The following CACNA2D4 variants were observed in gnomAD, a reference collection of about 807,000 sequenced individuals.
The protein encoded by CACNA2D4 is calcium voltage-gated channel auxiliary subunit alpha2delta 4.
In CACNA2D4, 157 loss-of-function variants were observed where a neutral mutation model predicts 163.8. That is an observed-to-expected ratio of 0.96 (90% CI 0.84 to 1.09). The LOEUF (loss-of-function observed/expected upper bound fraction) is 1.09. CACNA2D4 is among the 50% of genes least tolerant of loss of function. The pLI, the probability that CACNA2D4 is intolerant of heterozygous loss-of-function variation, is 0.00. For synonymous variants in CACNA2D4, 598 were observed against 586.9 expected, an observed-to-expected ratio of 1.02 and a Z score of -0.27; for missense variants, 1,410 against 1,479.9, an observed-to-expected ratio of 0.95 and a Z score of 0.78.
At chr12:1,797,388 G>T (rs1451794181) in intron 35 of CACNA2D4, 30 bp downstream of exon 35, 1 of 1,449,028 alleles carries the variant, frequency 6.9e-7, no homozygotes, top group East Asian at 2.5e-5. Context: ...GGAGTGTGGC[G>T]GGACGGGCGG....
In CACNA2D4 at chr12:1,802,773, T is replaced by G. The variant is rs1863383702; in HGVS notation, c.2722-1129A>C. 6.6e-6 allele frequency among the ~76,000 whole-genome samples: 1 copy of G among 152,212 alleles called. No individual in the cohort carries two copies. The highest frequency in any genetic ancestry group is 2.4e-5 in the African/African-American group (1 of 41,456). On this transcript the variant is annotated intron_variant, in intron 29 of 37. Coordinates refer to ENST00000382722, the MANE Select transcript of CACNA2D4 (RefSeq NM_172364.5). The surrounding 1 kb of genome is among the most constrained non-coding windows in gnomAD (Gnocchi z 4.7). ...TTCCTCTGTCCTCATGCCAAGGAAC[T>G]TCTTTCCTCACCCTCGCTGGGAAGT... is the stretch of plus-strand genomic sequence containing the variant.
chr12:1,840,048 T>A (rs1461519767), intron 26 of CACNA2D4, among the ~76,000 whole-genome samples: 1 of 152,210 alleles, frequency 6.6e-6, no homozygotes, highest in Non-Finnish European at 1.5e-5. Context: ...CAAGCTTTAA[T>A]GTTTAGGCAA....
intron 18 of CACNA2D4, among the ~76,000 whole-genome samples, chr12:1,861,313 C>T (rs1865520330): frequency 1.3e-5 from 2 of 152,220 alleles, no homozygotes; most frequent in African/African-American, 4.8e-5. Flanking sequence ...CAGTCAGACC[C>T]TCTCTGTAGC....
chr12:1,907,997 T>C lies in CACNA2D4; in HGVS notation c.527A>G (p.Glu176Gly). The change falls in exon 5 of 38, where the codon GAG becomes GGG. Residue 176 changes from glutamate to glycine, a missense_variant. Transcript: ENST00000382722. ...GCCCAGCTCCACGAAGTTGCCCTTC[T>C]CGTCCCTCTCGTTGATCAGGACCGA... ...YNSVLINERDEKGNFVELGAE... is the reference protein window; with the variant it reads ...YNSVLINERDGKGNFVELGAE... The C allele has an allele frequency of 6.2e-7, 1 of 1,614,044 alleles. No individual in the cohort carries two copies. Among genetic ancestry groups the C allele is most frequent in the South Asian group, 1.1e-5 (1 of 91,082 alleles).
At chr12:1,797,730 G>A in intron 34 of CACNA2D4, 195 bp from the exon 35 acceptor site, 1 of 618,248 alleles carries the variant, frequency 1.6e-6, no homozygotes, top group South Asian at 1.8e-5. Flanking sequence ...TCTGGAGAGG[G>A]TGGCTTGGCA....
chr12:1,814,958 C>T (rs561362446), intron 26 of CACNA2D4, among the ~76,000 whole-genome samples: 1 of 152,342 alleles, frequency 6.6e-6, no homozygotes, highest in Non-Finnish European at 1.5e-5. Flanking sequence ...GGCACAATCT[C>T]AGCTCATTGC....
chr12:1,870,676 T>C (rs1292173701), intron 18 of CACNA2D4, among the ~76,000 whole-genome samples: 1 of 152,048 alleles, frequency 6.6e-6, no homozygotes, highest in Non-Finnish European at 1.5e-5. Flanking sequence ...AGGGTGAGTC[T>C]AGTCAAGCTA....
Position 1,874,670 on chromosome 12 carries a change from T to G in CACNA2D4, c.1812A>C (p.Arg604Ser). The change falls in exon 18 of 38, where the codon AGA (arginine) becomes AGC (serine). Residue 604 changes from arginine to serine, a missense_variant. Transcript: ENST00000382722. This position sits in a 1 kb window ranked among gnomAD's most constrained non-coding sequence, Gnocchi z 4.4. ...VEWEDQAESL[R>S]TAMINRETGT... ...CTGTTTCCCTATTGATCATGGCTGT[T>G]CTCAGCTTCAGGAGGAAAGACAATG... The G allele has an allele frequency of 6.2e-7, 1 of 1,611,740 alleles. No homozygotes were observed. Among genetic ancestry groups the G allele is most frequent in the South Asian group, 1.1e-5 (1 of 91,012 alleles).
In CACNA2D4 at chr12:1,917,188, G is replaced by A. The variant is rs569560273; in HGVS notation, c.227+1059C>T. On this transcript the variant is annotated intron_variant, in intron 1 of 37. Coordinates refer to ENST00000382722, the MANE Select transcript of CACNA2D4 (RefSeq NM_172364.5). The surrounding 1 kb of genome is among the most constrained non-coding windows in gnomAD (Gnocchi z 4.3). The stretch of plus-strand genomic sequence containing the variant: ...ACTTGGGGAAGTCACCTGACCTCTC[G>A]GGGCCTCTGTTTCCTCAGCTGCAAA... Among the ~76,000 whole-genome samples the A allele has an allele frequency of 1.3e-5, 2 of 152,256 alleles. No individual in the cohort carries two copies. Among genetic ancestry groups the A allele is most frequent in the African/African-American group, 4.8e-5 (2 of 41,546 alleles).
chr12:1,816,399 T>A (rs1161545935), intron 26 of CACNA2D4, among the ~76,000 whole-genome samples: 1 of 152,216 alleles, frequency 6.6e-6, no homozygotes, highest in Non-Finnish European at 1.5e-5. Flanking sequence ...CAGGAGGGCC[T>A]GTCATGACCT....
intron 26 of CACNA2D4, among the ~76,000 whole-genome samples, chr12:1,826,584 C>G (rs1592682424): frequency 6.6e-6 from 1 of 152,238 alleles, no homozygotes; most frequent in African/African-American, 2.4e-5. Context: ...TGTGCCCAGT[C>G]TTGTGACCCC....
rs1303805164 is a variant in CACNA2D4 at position 1,828,718 on chromosome 12, G to A, written c.2551+12021C>T. Among the ~76,000 whole-genome samples, 1 of 152,228 alleles carries A rather than the reference G, an allele frequency of 6.6e-6. No homozygotes were observed. The highest frequency in any genetic ancestry group is 1.9e-4 in the East Asian group (1 of 5,188). ...CTCCGCTTTCCCAACTCTCGGTAGA[G>A]GACCTAGTGGGCTCGTGGGATGCGG... is the stretch of plus-strand genomic sequence containing the variant. On this transcript the variant is annotated intron_variant, in intron 26 of 37. Coordinates refer to ENST00000382722, the MANE Select transcript of CACNA2D4 (RefSeq NM_172364.5). This position sits in a 1 kb window ranked among gnomAD's most constrained non-coding sequence, Gnocchi z 4.2.
At chr12:1,800,713 C>G (rs576665286) in intron 31 of CACNA2D4, 1 of 594,316 alleles carries the variant, frequency 1.7e-6, no homozygotes, top group South Asian at 2.0e-5. Flanking sequence ...AAGCCCTCAT[C>G]CTGGTGCTGC....
At chr12:1,854,247 G>A (rs1171911615) in intron 22 of CACNA2D4, among the ~76,000 whole-genome samples, 1 of 152,164 alleles carries the variant, frequency 6.6e-6, no homozygotes, top group Non-Finnish European at 1.5e-5. Flanking sequence ...CAGTACAACA[G>A]CTTGATATCT....
At chr12:1,824,644 T>G (rs1459588394) in intron 26 of CACNA2D4, among the ~76,000 whole-genome samples, 1 of 152,196 alleles carries the variant, frequency 6.6e-6, no homozygotes, top group Non-Finnish European at 1.5e-5. Flanking sequence ...GGTAGGGACT[T>G]CCCTCCCAGA....
In CACNA2D4 at chr12:1,817,926, C is replaced by A. The variant is rs555982101; in HGVS notation, c.2552-6203G>T. Among the ~76,000 whole-genome samples the A allele has an allele frequency of 3.9e-5, 6 of 152,070 alleles. No homozygotes were observed. In the East Asian group the frequency reaches 7.7e-4, roughly 20 times the overall value. On this transcript the variant is annotated intron_variant, in intron 26 of 37. Transcript: ENST00000382722. ...ACCACCCCGTCTGGGAAGTGAGGAG[C>A]GTCTCCGCCTGGCCGCCCATCGTCT... is the stretch of plus-strand genomic sequence containing the variant.
At chr12:1,872,610 T>C (rs1217952407) in intron 18 of CACNA2D4, among the ~76,000 whole-genome samples, 8 of 152,184 alleles carry the variant, frequency 5.3e-5, no homozygotes, top group Non-Finnish European at 1.5e-5. Flanking sequence ...TGGATGGCTC[T>C]GTGAGAGCTG....
chr12:1,912,058 C>T (rs532652962), intron 3 of CACNA2D4, among the ~76,000 whole-genome samples: 4 of 152,352 alleles, frequency 2.6e-5, no homozygotes, highest in African/African-American at 7.2e-5. Flanking sequence ...ACCCTGACCC[C>T]GGCCTCCTCC....
intron 37 of CACNA2D4, among the ~76,000 whole-genome samples, chr12:1,794,281 T>A (rs559309300): frequency 6.6e-6 from 1 of 152,288 alleles, no homozygotes; most frequent in South Asian, 2.1e-4. Flanking sequence ...TAAAGCACCT[T>A]GGGATCCTGG....
Sources: gnomAD v4.1 joint callset for allele counts (sites outside exome capture counted in the v4.1 genomes callset) on GRCh38, gnomAD v4.1.1 for gene constraint, Gnocchi (gnomAD v3.1) non-coding constraint, MANE v1.5 for transcripts, NCBI Gene and HGNC (gene_info 2026-07-23, HGNC 2026-07-21) for gene names.